The following KCNAB2 variants were observed in gnomAD, a reference collection of about 807,000 sequenced individuals.
KCNAB2 encodes the protein voltage-gated potassium channel subunit beta-2.
KCNAB2 carries 29 observed loss-of-function variants against 63.6 expected under a neutral mutation model. The observed-to-expected ratio is 0.46, with a 90% CI of 0.34 to 0.62. The LOEUF is 0.62. Ranked by LOEUF, KCNAB2 falls within the 20% of genes least tolerant of loss-of-function variation. The pLI is 0.01. For synonymous variants in KCNAB2, 222 were observed against 224.2 expected, an observed-to-expected ratio of 0.99 and a Z score of 0.09; for missense variants, 359 against 563.9, an observed-to-expected ratio of 0.64 and a Z score of 3.68.
At chr1:6,000,083 G>A (rs994068986) in intron 1 of KCNAB2, among the ~76,000 whole-genome samples, 5 of 152,092 alleles carry the variant, frequency 3.3e-5, no homozygotes, top group African/African-American at 1.2e-4. Context: ...CCTGCACTCT[G>A]TCTGTGCCCC....
At chr1:6,062,825 G>C (rs1029394086) in intron 2 of KCNAB2, among the ~76,000 whole-genome samples, 1 of 152,088 alleles carries the variant, frequency 6.6e-6, no homozygotes, top group South Asian at 2.1e-4. Context: ...TATAATTCAC[G>C]TGCCATACAA....
intron 7 of KCNAB2, 75 bp from the exon 8 acceptor site, chr1:6,088,933 T>C (rs1043385295): frequency 7.2e-7 from 1 of 1,384,764 alleles, no homozygotes; most frequent in Non-Finnish European, 1.0e-6. Context: ...TAACATTGCA[T>C]CGTAAACGTT....
chr1:6,054,104 A>G (rs1331897196), intron 2 of KCNAB2, among the ~76,000 whole-genome samples: 2 of 152,054 alleles, frequency 1.3e-5, no homozygotes, highest in African/African-American at 4.8e-5. Flanking sequence ...GGGTCATTGC[A>G]GATATCATTA....
At chr1:6,011,456 G>T (rs1658144615) in intron 1 of KCNAB2, among the ~76,000 whole-genome samples, 1 of 152,126 alleles carries the variant, frequency 6.6e-6, no homozygotes, top group South Asian at 2.1e-4. Context: ...GTGGGAGAGA[G>T]GCAGGCACGT....
chr1:6,043,506 A>C (rs1660673260), upstream of KCNAB2, among the ~76,000 whole-genome samples: 1 of 152,182 alleles, frequency 6.6e-6, no homozygotes. Context: ...CTAGGCTCTC[A>C]GCCCCAATTC....
chr1:6,060,896 C>A (rs1447792740), intron 2 of KCNAB2, among the ~76,000 whole-genome samples: 1 of 123,324 alleles, frequency 8.1e-6, no homozygotes, highest in African/African-American at 3.6e-5. Flanking sequence ...AGCAAGACTC[C>A]GTCTCAAAAA....
chr1:6,064,613 A>G (rs2100610495), intron 2 of KCNAB2, among the ~76,000 whole-genome samples: 1 of 152,324 alleles, frequency 6.6e-6, no homozygotes, highest in Non-Finnish European at 1.5e-5. Context: ...AATGGTTGCC[A>G]TCTGTGCCTC....
At chr1:6,021,568 G>C (rs955655666) in intron 1 of KCNAB2, among the ~76,000 whole-genome samples, 4 of 152,180 alleles carry the variant, frequency 2.6e-5, no homozygotes, top group African/African-American at 9.7e-5. Flanking sequence ...ATACAGTTCA[G>C]TGGTATTGAG....
intron 4 of KCNAB2, among the ~76,000 whole-genome samples, chr1:6,077,067 T>C (rs1023618841): frequency 3.3e-5 from 5 of 151,844 alleles, no homozygotes; most frequent in Non-Finnish European, 7.4e-5. Context: ...GCACCTGTAA[T>C]CCCAGCTACT....
At chr1:6,047,268 G>A (rs1269075339) in intron 1 of KCNAB2, among the ~76,000 whole-genome samples, 1 of 152,206 alleles carries the variant, frequency 6.6e-6, no homozygotes, top group Non-Finnish European at 1.5e-5. Flanking sequence ...TCTCCTCCCT[G>A]CAGTGTCTTA....
chr1:6,022,879 C>CTTTTTTTTTT (rs34874871), intron 1 of KCNAB2, among the ~76,000 whole-genome samples: 1 of 86,990 alleles, frequency 1.1e-5, no homozygotes, highest in Non-Finnish European at 2.2e-5. Context: ...TTTTGCTTAT[C>CTTTTTTTTTT]TTTTTTTTTT....
At chr1:6,048,253 G>A (rs1352458367) in intron 1 of KCNAB2, among the ~76,000 whole-genome samples, 4 of 152,224 alleles carry the variant, frequency 2.6e-5, no homozygotes, top group African/African-American at 2.4e-5. Flanking sequence ...CTGCCTGCTG[G>A]CCCCTGGTGG....
chr1:6,059,883 G>A (rs939669577), intron 2 of KCNAB2, among the ~76,000 whole-genome samples: 2 of 152,154 alleles, frequency 1.3e-5, no homozygotes, highest in African/African-American at 4.8e-5. Flanking sequence ...CACATGGCCT[G>A]CAGGAGGCCT....
In KCNAB2 at chr1:6,069,790, A is replaced by G. The variant is rs888444680; in HGVS notation, c.219-2965A>G. Among the ~76,000 whole-genome samples, 1 of 152,346 alleles carries G rather than the reference A, an allele frequency of 6.6e-6. No homozygotes were observed. The highest frequency in any genetic ancestry group is 1.5e-5 in the Non-Finnish European group (1 of 68,040). On this transcript the variant is annotated intron_variant, in intron 2 of 15. Coordinates refer to ENST00000378083, the MANE Select transcript of KCNAB2 (RefSeq NM_001199862.2). This position sits in a 1 kb window ranked among gnomAD's most constrained non-coding sequence, Gnocchi z 5.4. ...GGCCTGGCAGCGGATGGCAGAACCA[A>G]TACCATCATTTTCACAGGGAAACAA... is the stretch of plus-strand genomic sequence containing the variant.
At chr1:6,091,693 C>A (rs1665201409) in intron 10 of KCNAB2, among the ~76,000 whole-genome samples, 1 of 152,110 alleles carries the variant, frequency 6.6e-6, no homozygotes, top group African/African-American at 2.4e-5. Flanking sequence ...GCAAAGCCAT[C>A]AGGGACCCCA....
chr1:6,100,086 T>C lies in KCNAB2; in HGVS notation c.*1512T>C. The C allele has an allele frequency of 6.9e-7, 1 of 1,454,586 alleles. No homozygotes were observed. Among genetic ancestry groups the C allele is most frequent in the South Asian group, 1.5e-5 (1 of 68,510 alleles). The allele number at this position is 1,454,586 out of a possible 1,614,324, so 90.1% of individuals were successfully genotyped here. A position where few individuals can be genotyped will look rare whatever the true frequency, so the allele number is the denominator to read the frequency against. On this transcript the variant is annotated 3_prime_UTR_variant, in exon 16 of 16. Coordinates refer to ENST00000378083, the MANE Select transcript of KCNAB2 (RefSeq NM_001199862.2). Reference sequence around the variant, plus strand: ...TCAGTGCAGGCACCTCTGTTCCCGCTTTGCCCCTGGAGGAGCCACTATTCC... The same window carrying C: ...TCAGTGCAGGCACCTCTGTTCCCGCCTTGCCCCTGGAGGAGCCACTATTCC...
intron 2 of KCNAB2, among the ~76,000 whole-genome samples, chr1:6,067,499 G>A (rs910419607): frequency 2.0e-5 from 3 of 152,186 alleles, no homozygotes; most frequent in Non-Finnish European, 2.9e-5. Context: ...GTTGGGCCTC[G>A]TGTGAAAACC....
At position 6,099,860 on chromosome 1, in the gene KCNAB2, C is replaced by T. The variant is rs997337946; in HGVS notation, c.*1286C>T. The T allele has an allele frequency of 1.3e-6, 2 of 1,548,658 alleles. No individual in the cohort carries two copies. The highest frequency in any genetic ancestry group is 2.0e-5 in the Admixed American group (1 of 50,882). On this transcript the variant is annotated 3_prime_UTR_variant, in exon 16 of 16. Coordinates refer to ENST00000378083, the MANE Select transcript of KCNAB2 (RefSeq NM_001199862.2). ...GAGGGCAGGACAGGCCAGAGTGACG[C>T]CCCCGTGCAGCTTGGGCCGGAGGGC...
intron 2 of KCNAB2, among the ~76,000 whole-genome samples, chr1:6,067,162 G>A (rs899222391): frequency 6.6e-6 from 1 of 152,188 alleles, no homozygotes; most frequent in Admixed American, 6.5e-5. Context: ...AGCCTTGATT[G>A]CGTCCAGAAC....
Sources: allele counts gnomAD v4.1 joint callset (sites outside exome capture counted in the v4.1 genomes callset), GRCh38; gene constraint gnomAD v4.1.1; non-coding constraint Gnocchi (gnomAD v3.1); transcripts MANE v1.5; gene names NCBI Gene and HGNC (gene_info 2026-07-23, HGNC 2026-07-21).